Variants in DRC11 observed in about 807,000 individuals in gnomAD.
DRC11 encodes the protein dynein regulatory complex subunit 11.
At chr2:236,319,615 G>C in the DRC11 span, among the ~76,000 whole-genome samples, 1 of 152,162 alleles carries the variant, frequency 6.6e-6, no homozygotes, top group Non-Finnish European at 1.5e-5. The surrounding 1 kb of genome is among the most constrained non-coding windows in gnomAD (Gnocchi z 6.7). Context: ...CTGCACTCCT[G>C]GGTTCCCAAT....
chr2:236,501,086 T>A, the DRC11 span, among the ~76,000 whole-genome samples: 97 of 152,168 alleles, frequency 6.4e-4, no homozygotes, highest in African/African-American at 2.0e-3. Context: ...GCGTCTGGGG[T>A]GGCCTCGGGG....
the DRC11 span, among the ~76,000 whole-genome samples, chr2:236,397,221 A>C: frequency 6.6e-6 from 1 of 152,218 alleles, no homozygotes; most frequent in East Asian, 1.9e-4. This position sits in a 1 kb window ranked among gnomAD's most constrained non-coding sequence, Gnocchi z 5.0. Flanking sequence ...TTCTTGATTT[A>C]TCCATGTCAG....
chr2:236,323,346 G>C, the DRC11 span, among the ~76,000 whole-genome samples: 8 of 152,214 alleles, frequency 5.3e-5, no homozygotes, highest in Non-Finnish European at 1.2e-4. The surrounding 1 kb of genome is among the most constrained non-coding windows in gnomAD (Gnocchi z 6.4). Flanking sequence ...TCTGAAGTGG[G>C]TAAGGGGAGT....
At chr2:236,333,826 A>G in the DRC11 span, among the ~76,000 whole-genome samples, 2 of 152,160 alleles carry the variant, frequency 1.3e-5, no homozygotes, top group African/African-American at 2.4e-5. This position sits in a 1 kb window ranked among gnomAD's most constrained non-coding sequence, Gnocchi z 6.0. Context: ...AACGGTGTAC[A>G]GTTACTGTAC....
the DRC11 span, among the ~76,000 whole-genome samples, chr2:236,491,133 ATATATACAG>A: frequency 2.6e-5 from 3 of 114,986 alleles, no homozygotes; most frequent in African/African-American, 7.3e-5. Context: ...GTATATATAT[ATATATACAG>A]TATATATATA....
the DRC11 span, among the ~76,000 whole-genome samples, chr2:236,502,644 A>C: frequency 1.6e-4 from 24 of 150,962 alleles, no homozygotes; most frequent in African/African-American, 4.9e-4. Flanking sequence ...CATTCACAGC[A>C]CCAATAAAGA....
the DRC11 span, among the ~76,000 whole-genome samples, chr2:236,378,729 C>G: frequency 9.4e-4 from 143 of 151,576 alleles, no homozygotes; most frequent in Non-Finnish European, 1.7e-3. Context: ...TGAGCATGGG[C>G]TGCACCCTCC....
the DRC11 span, among the ~76,000 whole-genome samples, chr2:236,426,048 T>A: frequency 8.6e-5 from 13 of 152,000 alleles, no homozygotes. The surrounding 1 kb of genome is among the most constrained non-coding windows in gnomAD (Gnocchi z 4.1). Context: ...TTGTAATATA[T>A]TTGGAAATCA....
the DRC11 span, among the ~76,000 whole-genome samples, chr2:236,452,832 A>T: frequency 6.6e-6 from 1 of 152,162 alleles, no homozygotes; most frequent in East Asian, 1.9e-4. The surrounding 1 kb of genome is among the most constrained non-coding windows in gnomAD (Gnocchi z 4.7). Flanking sequence ...GAACCTCCCC[A>T]TCCAACTTCC....
the DRC11 span, among the ~76,000 whole-genome samples, chr2:236,317,169 A>G: frequency 0.015 from 2,236 of 152,162 alleles, 84 homozygotes; most frequent in East Asian, 0.13. The surrounding 1 kb of genome is among the most constrained non-coding windows in gnomAD (Gnocchi z 5.4). Flanking sequence ...GGTGGTGCAC[A>G]CTTGTAGTCC....
the DRC11 span, among the ~76,000 whole-genome samples, chr2:236,483,744 C>T: frequency 2.6e-5 from 4 of 152,268 alleles, no homozygotes; most frequent in East Asian, 5.8e-4. The surrounding 1 kb of genome is among the most constrained non-coding windows in gnomAD (Gnocchi z 4.8). Context: ...ACGAACTTGC[C>T]GTGTCATTTA....
At chr2:236,439,769 A>G in the DRC11 span, among the ~76,000 whole-genome samples, 1 of 152,158 alleles carries the variant, frequency 6.6e-6, no homozygotes, top group South Asian at 2.1e-4. Flanking sequence ...GATAGCAACT[A>G]TTCTTTCTTG....
the DRC11 span, among the ~76,000 whole-genome samples, chr2:236,404,794 T>C: frequency 6.6e-6 from 1 of 152,224 alleles, no homozygotes; most frequent in Non-Finnish European, 1.5e-5. Context: ...CAGGCTGCTA[T>C]AAGAAAATAG....
chr2:236,497,050 A>C, the DRC11 span: 1 of 841,984 alleles, frequency 1.2e-6, no homozygotes, highest in Non-Finnish European at 1.8e-6. This position sits in a 1 kb window ranked among gnomAD's most constrained non-coding sequence, Gnocchi z 5.1. Context: ...TTTTCCGTAC[A>C]CCAACTAGTA....
chr2:236,347,133 A>T, the DRC11 span, among the ~76,000 whole-genome samples: 1 of 152,226 alleles, frequency 6.6e-6, no homozygotes, highest in African/African-American at 2.4e-5. Flanking sequence ...ATCTTGGCTG[A>T]CTGCAACCTA....
the DRC11 span, among the ~76,000 whole-genome samples, chr2:236,326,508 G>A: frequency 1.3e-5 from 2 of 151,868 alleles, no homozygotes; most frequent in African/African-American, 2.4e-5. Context: ...CATTTCCTTT[G>A]TCATTTTATA....
At chr2:236,421,236 A>G in the DRC11 span, among the ~76,000 whole-genome samples, 1 of 152,230 alleles carries the variant, frequency 6.6e-6, no homozygotes, top group African/African-American at 2.4e-5. Flanking sequence ...AAATAGAGAC[A>G]CAAAAAACCC....
At chr2:236,335,883 C>T in the DRC11 span, among the ~76,000 whole-genome samples, 1 of 152,064 alleles carries the variant, frequency 6.6e-6, no homozygotes, top group Non-Finnish European at 1.5e-5. The surrounding 1 kb of genome is among the most constrained non-coding windows in gnomAD (Gnocchi z 5.6). Flanking sequence ...GCCCGTCTTG[C>T]GCTGTCTCCT....
At chr2:236,452,800 T>C in the DRC11 span, among the ~76,000 whole-genome samples, 1 of 152,194 alleles carries the variant, frequency 6.6e-6, no homozygotes, top group Non-Finnish European at 1.5e-5. The surrounding 1 kb of genome is among the most constrained non-coding windows in gnomAD (Gnocchi z 4.7). Flanking sequence ...TCTCGAATTC[T>C]CCTCAGGCTT....
Sources: gnomAD v4.1 joint callset for allele counts (sites outside exome capture counted in the v4.1 genomes callset) on GRCh38, gnomAD v4.1.1 for gene constraint, Gnocchi (gnomAD v3.1) non-coding constraint, MANE v1.5 for transcripts, NCBI Gene and HGNC (gene_info 2026-07-23, HGNC 2026-07-21) for gene names.